Variants in ADK observed in about 807,000 individuals in gnomAD.
ADK encodes the protein N6,N6-dimethyladenosine kinase.
Under a neutral mutation model 44.7 loss-of-function variants are expected in ADK, and 24 were observed. That is an observed-to-expected ratio of 0.54 (90% confidence interval 0.39 to 0.76). The LOEUF (loss-of-function observed/expected upper bound fraction) is 0.76, where lower values mean the gene tolerates loss of function less well. Ranked by LOEUF, ADK falls within the 30% of genes least tolerant of loss-of-function variation. The probability of loss-of-function intolerance (pLI) is 0.00; values close to 1 mark genes in which losing one functional copy is unlikely to be tolerated. For synonymous variants in ADK, 128 were observed against 142.6 expected, an observed-to-expected ratio of 0.90 and a Z score of 0.73; for missense variants, 321 against 425.1, an observed-to-expected ratio of 0.76 and a Z score of 2.15.
chr10:74,510,023 T>G (rs1283982557), intron 6 of ADK, among the ~76,000 whole-genome samples: 1 of 152,222 alleles, frequency 6.6e-6, no homozygotes, highest in Non-Finnish European at 1.5e-5. Flanking sequence ...TTGGCTATTG[T>G]GGATAGTGCT....
chr10:74,282,890 T>C (rs1408117580), intron 3 of ADK, among the ~76,000 whole-genome samples: 1 of 152,200 alleles, frequency 6.6e-6, no homozygotes, highest in Non-Finnish European at 1.5e-5. Flanking sequence ...GAATGTATTT[T>C]TCCTGCCATA....
intron 7 of ADK, among the ~76,000 whole-genome samples, chr10:74,532,102 A>G (rs866114064): frequency 6.6e-6 from 1 of 152,230 alleles, no homozygotes; most frequent in Admixed American, 6.5e-5. Context: ...TTGGTTTAGC[A>G]TTTTGAAATC....
intron 3 of ADK, among the ~76,000 whole-genome samples, chr10:74,246,577 AACTTCATTATCATGCCCATTGAAT>A (rs1459872518): frequency 6.6e-6 from 1 of 152,168 alleles, no homozygotes; most frequent in African/African-American, 2.4e-5. Context: ...AAACAGAGGA[AACTTCATTATCATGCCCATTGAAT>A]ACTTCATTAT....
chr10:74,215,087 G>A (rs1044405383), intron 2 of ADK, among the ~76,000 whole-genome samples: 1 of 151,956 alleles, frequency 6.6e-6, no homozygotes, highest in African/African-American at 2.4e-5. Context: ...TTGCTTCCCC[G>A]TCTTCTATTC....
intron 10 of ADK, among the ~76,000 whole-genome samples, chr10:74,691,718 G>A (rs1589373658): frequency 6.6e-6 from 1 of 151,982 alleles, no homozygotes; most frequent in Non-Finnish European, 1.5e-5. Context: ...GCACGCAACA[G>A]ATCAATGAGT....
At chr10:74,574,390 C>T (rs374211397) in intron 7 of ADK, among the ~76,000 whole-genome samples, 2 of 151,846 alleles carry the variant, frequency 1.3e-5, no homozygotes, top group African/African-American at 2.4e-5. Flanking sequence ...AGGATGGTCT[C>T]GCTCTCTTGA....
intron 4 of ADK, among the ~76,000 whole-genome samples, chr10:74,320,168 C>T (rs1245909023): frequency 6.6e-6 from 1 of 152,120 alleles, no homozygotes; most frequent in Non-Finnish European, 1.5e-5. Context: ...AACAAACTGT[C>T]TTAGCTTGTG....
At chr10:74,192,855 C>T (rs1029382711) in intron 1 of ADK, among the ~76,000 whole-genome samples, 1 of 152,158 alleles carries the variant, frequency 6.6e-6, no homozygotes, top group Non-Finnish European at 1.5e-5. Flanking sequence ...CTGTTAGGAA[C>T]ATTTGTGTAC....
chr10:74,539,961 A>G (rs184581491), intron 7 of ADK, among the ~76,000 whole-genome samples: 1 of 152,290 alleles, frequency 6.6e-6, no homozygotes, highest in Admixed American at 6.5e-5. Flanking sequence ...GAAAATGCAA[A>G]GGCTATTTAA....
intron 3 of ADK, among the ~76,000 whole-genome samples, chr10:74,257,084 G>T (rs1360059720): frequency 6.6e-6 from 1 of 152,064 alleles, no homozygotes; most frequent in Admixed American, 6.5e-5. Flanking sequence ...TTACAAAAAT[G>T]GGTAAAAATT....
chr10:74,365,652 ATTTGGATGCCCTTTATTTCT>A (rs1253463089), intron 4 of ADK, among the ~76,000 whole-genome samples: 4 of 152,144 alleles, frequency 2.6e-5, no homozygotes, highest in Non-Finnish European at 5.9e-5. Context: ...CTCTTTTTCA[ATTTGGATGCCCTTTATTTCT>A]TTGTCTTACC....
chr10:74,277,834 G>T (rs912128211), intron 3 of ADK, among the ~76,000 whole-genome samples: 1 of 152,036 alleles, frequency 6.6e-6, no homozygotes, highest in African/African-American at 2.4e-5. Flanking sequence ...TCTATGCTTA[G>T]AAATTTTTTA....
chr10:74,398,620 A>G lies in ADK; in HGVS notation c.555+41A>G, dbSNP rs755229772. 4.4e-6 allele frequency: 5 copies of G among 1,133,508 alleles called. No homozygotes were observed. In the African/African-American group the frequency reaches 4.6e-5, roughly 10 times the overall value. 70.2% of individuals were successfully genotyped at this position (1,133,508 alleles called of 1,614,324 possible). ...ATTCAAATCTCTAGTACATATTTACATGATGGATTATAGTTGTTGTCTGAT... is the reference window on the plus strand; with the variant it reads ...ATTCAAATCTCTAGTACATATTTACGTGATGGATTATAGTTGTTGTCTGAT... On this transcript the variant is annotated intron_variant, in intron 6 of 10. Coordinates refer to ENST00000539909, the MANE Select transcript of ADK (RefSeq NM_006721.4).
chr10:74,306,002 G>A (rs1323623556), intron 3 of ADK, among the ~76,000 whole-genome samples: 1 of 151,940 alleles, frequency 6.6e-6, no homozygotes, highest in Non-Finnish European at 1.5e-5. Context: ...TGAGATTATA[G>A]TTGTGAGCCA....
At chr10:74,376,489 T>G (rs978396667) in intron 4 of ADK, among the ~76,000 whole-genome samples, 3 of 152,124 alleles carry the variant, frequency 2.0e-5, no homozygotes, top group African/African-American at 7.2e-5. Context: ...ATTATTTACA[T>G]TTGCCAAACC....
rs11815035 is a variant in ADK at position 74,455,817 on chromosome 10, A to T, written c.555+57238A>T. On this transcript the variant is annotated intron_variant, in intron 6 of 10. Transcript: ENST00000539909. ...AAAATTCTTTTCTTTAAGAATATTG[A>T]ATATTGGCTCCCACTCTCTTCTGGC... Among the ~76,000 whole-genome samples the T allele has an allele frequency of 8.2e-3, 1,249 of 152,262 alleles. 21 individuals carry two copies. The highest frequency in any genetic ancestry group is 0.028 in the African/African-American group (1,156 of 41,550).
At chr10:74,584,341 C>G (rs1474035743) in intron 7 of ADK, among the ~76,000 whole-genome samples, 1 of 152,056 alleles carries the variant, frequency 6.6e-6, no homozygotes, top group East Asian at 1.9e-4. Context: ...ATGGTTAACC[C>G]CAATGTTATT....
intron 6 of ADK, among the ~76,000 whole-genome samples, chr10:74,416,474 C>G (rs1564709629): frequency 1.3e-5 from 2 of 151,904 alleles, no homozygotes; most frequent in Non-Finnish European, 2.9e-5. Context: ...TGAAGACGTT[C>G]TGAAAGATAT....
chr10:74,572,364 G>A (rs569601484), intron 7 of ADK, among the ~76,000 whole-genome samples: 12 of 152,282 alleles, frequency 7.9e-5, no homozygotes, highest in South Asian at 4.1e-4. Context: ...AGTTTTTGCC[G>A]AGAGATCTGC....
Sources: allele counts gnomAD v4.1 joint callset (sites outside exome capture counted in the v4.1 genomes callset), GRCh38; gene constraint gnomAD v4.1.1; transcripts MANE v1.5; gene names NCBI Gene and HGNC (gene_info 2026-07-23, HGNC 2026-07-21).